The following SULF2 variants were observed in gnomAD, a reference collection of about 807,000 sequenced individuals.
SULF2 encodes the protein extracellular sulfatase Sulf-2.
In SULF2, 52 loss-of-function variants were observed where a neutral mutation model predicts 107.7. That is an observed-to-expected ratio of 0.48 (90% CI 0.39 to 0.61). SULF2 has a LOEUF of 0.61. Among genes scored for constraint, SULF2 ranks in the 20% least tolerant of loss-of-function variants. The probability of loss-of-function intolerance (pLI) is 0.00; values close to 1 mark genes in which losing one functional copy is unlikely to be tolerated. For missense variants in SULF2, 993 were observed against 1,177.3 expected (o/e 0.84, Z 2.29); for synonymous variants, 460 against 464.3 (o/e 0.99, Z 0.12).
Position 47,774,747 on chromosome 20 carries a change from C to A in SULF2, c.-101+10596G>T, listed in dbSNP as rs147830888. 2.2e-3 allele frequency among the ~76,000 whole-genome samples: 342 copies of A among 152,278 alleles called. 1 individual carries two copies. Among genetic ancestry groups the A allele is most frequent in the African/African-American group, 7.8e-3 (326 of 41,548 alleles). ...ATCTGGTCCCCTTCTTTTGACAGCA[C>A]CCCAGCTTCCTTTTGAGGACTCCCT... On this transcript the variant is annotated intron_variant, in intron 1 of 20. Transcript: ENST00000688720.
At chr20:47,707,048 G>GGTGTAAT (rs1175861886) in intron 3 of SULF2, 2 of 152,088 alleles carry the variant, frequency 1.3e-5, no homozygotes, top group African/African-American at 4.8e-5. Context: ...GGAGGGCAGT[G>GGTGTAAT]GTGTAATCTC....
At chr20:47,766,112 G>T (rs2090523832) in intron 1 of SULF2, among the ~76,000 whole-genome samples, 1 of 152,204 alleles carries the variant, frequency 6.6e-6, no homozygotes, top group African/African-American at 2.4e-5. Context: ...GGAGGGATGG[G>T]AAAGTGTGGT....
chr20:47,750,250 G>A (rs1267448576), intron 2 of SULF2, among the ~76,000 whole-genome samples: 1 of 152,318 alleles, frequency 6.6e-6, no homozygotes, highest in Non-Finnish European at 1.5e-5. Context: ...AAAGCGCTGG[G>A]ATCACAGGTG....
chr20:47,779,576 G>C (rs1480289695), intron 1 of SULF2, among the ~76,000 whole-genome samples: 1 of 152,114 alleles, frequency 6.6e-6, no homozygotes, highest in African/African-American at 2.4e-5. Context: ...ATCATTCTCT[G>C]ACTTAAAACC....
upstream of SULF2, chr20:47,786,411 C>G (rs935140411): frequency 1.3e-5 from 2 of 152,190 alleles, no homozygotes; most frequent in Non-Finnish European, 2.9e-5. Context: ...ACAGGACTCG[C>G]CCCGGTCTGC....
intron 4 of SULF2, among the ~76,000 whole-genome samples, chr20:47,702,315 C>T (rs1299009530): frequency 6.6e-6 from 1 of 152,200 alleles, no homozygotes; most frequent in African/African-American, 2.4e-5. Flanking sequence ...CTGCCTTAGC[C>T]TCCCAAAGTG....
At chr20:47,702,376 A>G in intron 4 of SULF2, 143 bp downstream of exon 4, 1 of 893,384 alleles carries the variant, frequency 1.1e-6, no homozygotes, top group Non-Finnish European at 1.7e-6. Context: ...TGAAAAACTG[A>G]GGAGGAGGTG....
chr20:47,757,947 G>A (rs2090332480), intron 1 of SULF2, among the ~76,000 whole-genome samples: 1 of 152,120 alleles, frequency 6.6e-6, no homozygotes, highest in African/African-American at 2.4e-5. Context: ...TTAAACGAGA[G>A]CCTGGAGCTG....
chr20:47,684,804 A>G (rs1348889707), intron 5 of SULF2: 4 of 454,238 alleles, frequency 8.8e-6, no homozygotes, highest in African/African-American at 8.2e-5. Context: ...GGAAGCTCCT[A>G]AGAGGCACAG....
chr20:47,773,351 A>G (rs2090666513), intron 1 of SULF2, among the ~76,000 whole-genome samples: 1 of 152,272 alleles, frequency 6.6e-6, no homozygotes, highest in Non-Finnish European at 1.5e-5. Context: ...AGGAGGTGGC[A>G]TAAGGAAATG....
intron 3 of SULF2, among the ~76,000 whole-genome samples, chr20:47,728,146 A>G (rs1281029947): frequency 1.3e-5 from 2 of 152,154 alleles, no homozygotes; most frequent in African/African-American, 4.8e-5. Context: ...GTCCCCCCAC[A>G]GGCCGGAGAG....
chr20:47,737,062 G>T, intron 2 of SULF2, 120 bp from the exon 3 acceptor site: 1 of 1,417,530 alleles, frequency 7.1e-7, no homozygotes, highest in South Asian at 1.3e-5. Context: ...AGACCTACGG[G>T]GCAGACGGGG....
intron 4 of SULF2, among the ~76,000 whole-genome samples, chr20:47,699,618 ACT>A (rs1334727297): frequency 6.6e-6 from 1 of 151,796 alleles, no homozygotes; most frequent in African/African-American, 2.4e-5. Context: ...CAAATGTGAA[ACT>A]CACCGTACAG....
At chr20:47,702,897 C>T (rs569373062) in intron 3 of SULF2, among the ~76,000 whole-genome samples, 1 of 152,256 alleles carries the variant, frequency 6.6e-6, no homozygotes, top group East Asian at 1.9e-4. Context: ...ATACTAAACA[C>T]ATTTGCGATA....
chr20:47,686,252 C>T (rs1385445188), intron 5 of SULF2: 3 of 152,240 alleles, frequency 2.0e-5, no homozygotes, highest in Admixed American at 1.3e-4. Context: ...CTCTGATCCT[C>T]TCTATTTCCT....
At chr20:47,671,973 G>T (rs902094177) in intron 11 of SULF2, among the ~76,000 whole-genome samples, 1 of 152,192 alleles carries the variant, frequency 6.6e-6, no homozygotes, top group Non-Finnish European at 1.5e-5. Context: ...GACTCCCAAA[G>T]TACTGGGATT....
At chr20:47,665,710 TC>T in intron 13 of SULF2, 146 bp downstream of exon 13, 1 of 662,328 alleles carries the variant, frequency 1.5e-6, no homozygotes. Flanking sequence ...CTGACACCTA[TC>T]CCCGCGTTGA....
rs1388470801 is a variant in SULF2 at position 47,663,038 on chromosome 20, A to AC, written c.2370+31dup. ...ACCTGGCAGCACTGGTGTACCCCACACCCCCATCCCTCTAGCTCGGGTTGC... is the reference window on the plus strand; with the variant it reads ...ACCTGGCAGCACTGGTGTACCCCACACCCCCCATCCCTCTAGCTCGGGTTGC... On this transcript the variant is annotated intron_variant, in intron 17 of 20. Transcript: ENST00000688720. The AC allele has an allele frequency of 1.9e-6, 3 of 1,613,346 alleles. No individual in the cohort carries two copies. The Middle Eastern group carries it at 5.0e-4, about 266-fold the overall frequency.
chr20:47,737,755 GTTTTTTTT>G (rs11484375), intron 2 of SULF2, among the ~76,000 whole-genome samples: 3 of 61,834 alleles, frequency 4.9e-5, no homozygotes, highest in Admixed American at 2.3e-4. Context: ...TCTTTTCTTT[GTTTTTTTT>G]TTTTTTTTTT....
Sources: gnomAD v4.1 joint callset for allele counts (sites outside exome capture counted in the v4.1 genomes callset) on GRCh38, gnomAD v4.1.1 for gene constraint, MANE v1.5 for transcripts, NCBI Gene and HGNC (gene_info 2026-07-23, HGNC 2026-07-21) for gene names.